PACS2: variants seen among roughly 807,000 people sequenced by gnomAD.
PACS2 encodes the protein PACS1-like protein.
A neutral mutation model predicts 113.0 loss-of-function variants in PACS2; 36 were observed. That is an observed-to-expected ratio of 0.32 (90% CI 0.24 to 0.42). The LOEUF is 0.42. Ranked by LOEUF, PACS2 falls within the 10% of genes least tolerant of loss-of-function variation. PACS2 has a pLI of 1.00. For missense variants in PACS2, 1,015 were observed against 1,239.5 expected, an observed-to-expected ratio of 0.82 and a Z score of 2.72; for synonymous variants, 589 against 536.1, an observed-to-expected ratio of 1.10 and a Z score of -1.36.
In PACS2 at chr14:105,355,895, G is replaced by T. The variant is rs1286053667; in HGVS notation, c.423+718G>T. ...GCTCTGGGAGAAGGGGCAGCCCAGG[G>T]CCCCAGACCAGTTTGTCTCTTTTGC... On this transcript the variant is annotated intron_variant, in intron 4 of 24. Transcript: ENST00000447393. This position sits in a 1 kb window ranked among gnomAD's most constrained non-coding sequence, Gnocchi z 4.1. 1.3e-5 allele frequency among the ~76,000 whole-genome samples: 2 copies of T among 152,192 alleles called. No individual in the cohort carries two copies. The highest frequency in any genetic ancestry group is 1.3e-4 in the Admixed American group (2 of 15,286).
chr14:105,339,688 T>A (rs1489096901), intron 1 of PACS2, among the ~76,000 whole-genome samples: 2 of 150,342 alleles, frequency 1.3e-5, no homozygotes, highest in African/African-American at 4.9e-5. Context: ...AGAGCAAGAT[T>A]CTGTCTCTAT....
chr14:105,383,402 G>A lies in PACS2; in HGVS notation c.1669G>A (p.Val557Met), dbSNP rs782459999. Reference protein sequence around the residue: ...SQPPTPVKIAVAGAQHYLSAI... With the variant: ...SQPPTPVKIAMAGAQHYLSAI... The stretch of plus-strand genomic sequence containing the variant: ...GCCCCCGACCCCCGTGAAGATCGCC[G>A]TGGCGGGAGCGCAGCATTACCTCAG... Residue 557 changes from valine to methionine, a missense_variant, in exon 16 of 25, where the codon GTG becomes ATG. Physicochemically the swap from Val to Met is conservative, Grantham distance 21. Coordinates refer to ENST00000447393, the MANE Select transcript of PACS2 (RefSeq NM_001100913.3). The A allele has an allele frequency of 1.9e-6, 3 of 1,609,022 alleles. No individual in the cohort carries two copies. The highest frequency in any genetic ancestry group is 1.3e-5 in the African/African-American group (1 of 74,932).
rs1243741613 is a variant in PACS2 at position 105,396,884 on chromosome 14, CAG to C, written c.*2215_*2216del. 6.6e-6 allele frequency: 1 copy of C among 152,284 alleles called. No homozygotes were observed. Among genetic ancestry groups the C allele is most frequent in the Non-Finnish European group, 1.5e-5 (1 of 68,076 alleles). The allele number at this position is 152,284 out of a possible 1,614,324, so 9.4% of individuals were successfully genotyped here. A position where few individuals can be genotyped will look rare whatever the true frequency, so the allele number is the denominator to read the frequency against. On this transcript the variant is annotated 3_prime_UTR_variant, in exon 25 of 25. Coordinates refer to ENST00000447393, the MANE Select transcript of PACS2 (RefSeq NM_001100913.3). ...CATCCTTGCTGTGGCTTTCTGGCCT[CAG>C]AGCAGGTTTTAGAGGAAGGGGCCAC...
chr14:105,384,134 T>C, intron 16 of PACS2: 1 of 544,614 alleles, frequency 1.8e-6, no homozygotes, highest in South Asian at 2.0e-5. Context: ...CACTCAGGGC[T>C]CTGGGACCTC....
rs2058993555 is a variant in PACS2 at position 105,323,915 on chromosome 14, A to T, written c.119+8878A>T. Among the ~76,000 whole-genome samples the T allele has an allele frequency of 6.6e-6, 1 of 152,206 alleles. No individual in the cohort carries two copies. Among genetic ancestry groups the T allele is most frequent in the Non-Finnish European group, 1.5e-5 (1 of 68,036 alleles). ...GACCTGGCCCATCGCCGTGGCCTGCACGGTGCGTGCACACCGCTCTGTCCG... is the reference window on the plus strand; with the variant it reads ...GACCTGGCCCATCGCCGTGGCCTGCTCGGTGCGTGCACACCGCTCTGTCCG... On this transcript the variant is annotated intron_variant, in intron 1 of 24. Transcript: ENST00000447393. This position sits in a 1 kb window ranked among gnomAD's most constrained non-coding sequence, Gnocchi z 4.1.
chr14:105,308,347 T>C (rs1177677280), intron 1 of PACS2, among the ~76,000 whole-genome samples: 1 of 151,842 alleles, frequency 6.6e-6, no homozygotes, highest in Non-Finnish European at 1.5e-5. Flanking sequence ...CCAGGTGTGG[T>C]GGTACATGCC....
At chr14:105,334,298 G>T (rs1174300954) in intron 1 of PACS2, among the ~76,000 whole-genome samples, 1 of 152,268 alleles carries the variant, frequency 6.6e-6, no homozygotes, top group Admixed American at 6.5e-5. Context: ...GACCCCACCT[G>T]ACTCCAGGGC....
intron 22 of PACS2, chr14:105,392,022 C>T (rs2081376214): frequency 5.6e-6 from 3 of 535,128 alleles, no homozygotes; most frequent in Middle Eastern, 3.4e-4. Flanking sequence ...TGGGCTGTCT[C>T]TCAGCTCTGT....
At chr14:105,352,550 G>A in intron 3 of PACS2, 83 bp downstream of exon 3, 1 of 749,134 alleles carries the variant, frequency 1.3e-6, no homozygotes, top group Non-Finnish European at 2.4e-6. Context: ...CCCCTGGGGA[G>A]ACGGGCCCCC....
At chr14:105,343,901 T>A (rs782052650) in intron 1 of PACS2, among the ~76,000 whole-genome samples, 2 of 151,826 alleles carry the variant, frequency 1.3e-5, no homozygotes, top group Non-Finnish European at 2.9e-5. Context: ...AGTTCATATA[T>A]TTATATATTC....
At chr14:105,304,538 A>T (rs78272293) in intron 1 of PACS2, among the ~76,000 whole-genome samples, 5,505 of 152,328 alleles carry the variant, frequency 0.036, 370 homozygotes, top group African/African-American at 0.13. Flanking sequence ...GTGAGGCTCT[A>T]CTGGGCAATG....
rs1405233899 is a variant in PACS2 at position 105,384,875 on chromosome 14, G to T, written c.1892-4G>T. The T allele has an allele frequency of 3.8e-6, 6 of 1,560,340 alleles. No homozygotes were observed. In the African/African-American group the frequency reaches 6.8e-5, roughly 18 times the overall value. The stretch of plus-strand genomic sequence containing the variant: ...TAACCCCCCACCGCCTCCTCCCCCT[G>T]CAGTACAGGACACGCCAGACATTGT... On this transcript the variant is annotated splice_polypyrimidine_tract_variant and splice_region_variant and intron_variant, in intron 17 of 24. Transcript: ENST00000447393.
intron 2 of PACS2, among the ~76,000 whole-genome samples, chr14:105,351,650 C>T (rs1361816352): frequency 2.0e-5 from 3 of 152,134 alleles, no homozygotes; most frequent in African/African-American, 7.2e-5. Context: ...CCAGTCTGGG[C>T]AACATGACTA....
chr14:105,367,314 C>A lies in PACS2; in HGVS notation c.525C>A (p.Ser175=). The change falls in exon 5 of 25, where the codon TCC becomes TCA. Residue 175 remains serine, a synonymous_variant. Transcript: ENST00000447393. ...CCGAGATCTGGATCGCCTCCCTGTC[C>A]AGCCAGCCCATTGACCACGAAGACA... ...KAAEIWIASL[S]SQPIDHEDST... is the part of the protein sequence containing the mutation. The A allele has an allele frequency of 6.2e-7, 1 of 1,613,412 alleles. No homozygotes were observed. The highest frequency in any genetic ancestry group is 8.5e-7 in the Non-Finnish European group (1 of 1,180,004).
At position 105,376,748 on chromosome 14, in the gene PACS2, C is replaced by T. The variant is rs782236865; in HGVS notation, c.802-20C>T. 24 of 1,609,568 alleles carry T rather than the reference C, an allele frequency of 1.5e-5. No individual in the cohort carries two copies. The highest frequency in any genetic ancestry group is 2.2e-5 in the East Asian group (1 of 44,746). On this transcript the variant is annotated intron_variant, in intron 8 of 24. Coordinates refer to ENST00000447393, the MANE Select transcript of PACS2 (RefSeq NM_001100913.3). This position sits in a 1 kb window ranked among gnomAD's most constrained non-coding sequence, Gnocchi z 4.7. The stretch of plus-strand genomic sequence containing the variant: ...TGTGGGCTGCTGCAGGGAACTCACG[C>T]GTGCCTGGCACCCGTGCAGGTCCTG...
intron 17 of PACS2, 46 bp downstream of exon 17, chr14:105,384,509 G>A (rs1555413066): frequency 3.1e-6 from 4 of 1,301,008 alleles, no homozygotes; most frequent in African/African-American, 1.5e-5. Context: ...CGGGAGGAAG[G>A]GGCCCCGGTT....
At chr14:105,319,985 T>C (rs1331911700) in intron 1 of PACS2, among the ~76,000 whole-genome samples, 1 of 152,238 alleles carries the variant, frequency 6.6e-6, no homozygotes, top group Non-Finnish European at 1.5e-5. Flanking sequence ...TTATTTCTTT[T>C]CTTTTCTTTT....
chr14:105,350,586 C>T (rs2060132877), intron 2 of PACS2, among the ~76,000 whole-genome samples: 1 of 152,202 alleles, frequency 6.6e-6, no homozygotes, highest in Non-Finnish European at 1.5e-5. Context: ...CCCAGCTCCT[C>T]ATCTGCTTCT....
chr14:105,362,055 G>A (rs2060706499), intron 4 of PACS2, among the ~76,000 whole-genome samples: 1 of 151,828 alleles, frequency 6.6e-6, no homozygotes, highest in Non-Finnish European at 1.5e-5. Flanking sequence ...CCTGGGAAGT[G>A]GAGGTTGTAG....
Sources: gnomAD v4.1 joint callset for allele counts (sites outside exome capture counted in the v4.1 genomes callset) on GRCh38, gnomAD v4.1.1 for gene constraint, Gnocchi (gnomAD v3.1) non-coding constraint, MANE v1.5 for transcripts, NCBI Gene and HGNC (gene_info 2026-07-23, HGNC 2026-07-21) for gene names.